CDK17: variants seen among roughly 807,000 people sequenced by gnomAD.
CDK17 encodes cyclin dependent kinase 17, also known as cyclin-dependent kinase 17.
CDK17 carries 24 observed loss-of-function variants against 77.6 expected under a neutral mutation model. The observed-to-expected ratio is 0.31, with a 90% CI of 0.22 to 0.44. The LOEUF (loss-of-function observed/expected upper bound fraction) is 0.44. CDK17 is among the 20% of genes least tolerant of loss of function. CDK17 has a pLI of 1.00. For synonymous variants in CDK17, 203 were observed against 210.4 expected, an observed-to-expected ratio of 0.96 and a Z score of 0.30; for missense variants, 429 against 622.5, an observed-to-expected ratio of 0.69 and a Z score of 3.31.
chr12:96,361,617 T>C (rs183753033), intron 1 of CDK17, among the ~76,000 whole-genome samples: 5 of 152,372 alleles, frequency 3.3e-5, no homozygotes, highest in South Asian at 4.1e-4. Flanking sequence ...TCATGACTTA[T>C]GAGGAAATTA....
intron 1 of CDK17, among the ~76,000 whole-genome samples, chr12:96,374,283 T>C (rs1953743609): frequency 6.6e-6 from 1 of 152,220 alleles, no homozygotes; most frequent in Admixed American, 6.5e-5. Flanking sequence ...GTGAAGAATG[T>C]CATGAACTGA....
At chr12:96,343,609 T>G (rs1193527132) in intron 1 of CDK17, among the ~76,000 whole-genome samples, 2 of 152,170 alleles carry the variant, frequency 1.3e-5, no homozygotes, top group African/African-American at 4.8e-5. Context: ...CATTGTCAGG[T>G]CACTGACTTA....
intron 1 of CDK17, among the ~76,000 whole-genome samples, chr12:96,338,980 C>T (rs1186537089): frequency 2.0e-5 from 3 of 151,804 alleles, no homozygotes; most frequent in East Asian, 2.0e-4. Flanking sequence ...CTTCCCCCAG[C>T]CCCTGGCAAC....
At chr12:96,295,180 C>A in intron 9 of CDK17, 58 bp from the exon 10 acceptor site, 1 of 1,366,574 alleles carries the variant, frequency 7.3e-7, no homozygotes. Flanking sequence ...TTAGTATAAG[C>A]ATAAATGATG....
At position 96,394,075 on chromosome 12, in the gene CDK17, A is replaced by C. The variant is rs1411568809; in HGVS notation, c.-30+5911T>G. Among the ~76,000 whole-genome samples the C allele has an allele frequency of 8.6e-5, 13 of 151,748 alleles. No homozygotes were observed. In the East Asian group the frequency reaches 2.5e-3, roughly 30 times the overall value. On this transcript the variant is annotated intron_variant, in intron 1 of 16. Transcript: ENST00000261211. ...AGCCTGGCCAACATGGTGAAACCCT[A>C]TCTCTACTAAAAATACAAAAATTAG...
intron 5 of CDK17, among the ~76,000 whole-genome samples, chr12:96,309,347 T>C (rs1952617886): frequency 6.6e-6 from 1 of 152,220 alleles, no homozygotes; most frequent in Admixed American, 6.5e-5. Context: ...GCTATCTCTG[T>C]AAGCTTGTGA....
rs11271532 is a variant in CDK17, at chr12:96,397,510, TGATACATTTTATAGAA to T, written c.-30+2460_-30+2475del. 5.4e-3 allele frequency among the ~76,000 whole-genome samples: 815 copies of T among 152,274 alleles called. 6 individuals carry two copies. The highest frequency in any genetic ancestry group is 0.019 in the African/African-American group (785 of 41,550). ...TCTGGCCTGAATCTAAGGATGAGAATGATACATTTTATAGAAGCTTCTTTTAGTACAGCAATAGGCA... is the reference window on the plus strand; with the variant it reads ...TCTGGCCTGAATCTAAGGATGAGAATGCTTCTTTTAGTACAGCAATAGGCA... On this transcript the variant is annotated intron_variant, in intron 1 of 16. Coordinates refer to ENST00000261211, the MANE Select transcript of CDK17 (RefSeq NM_002595.5).
chr12:96,295,332 A>G (rs2137078506), intron 9 of CDK17: 1 of 352,950 alleles, frequency 2.8e-6, no homozygotes, highest in Non-Finnish European at 5.1e-6. Flanking sequence ...GCATCTACCT[A>G]TTTCTTTTAG....
At chr12:96,338,763 C>CCA (rs1953082352) in intron 1 of CDK17, among the ~76,000 whole-genome samples, 1 of 136,852 alleles carries the variant, frequency 7.3e-6, no homozygotes, top group African/African-American at 2.8e-5. Context: ...TTGTCTGAAG[C>CCA]CACTAAGGTT....
At chr12:96,286,816 C>A (rs1029864797) in intron 11 of CDK17, 55 bp from the exon 12 acceptor site, 2 of 1,436,250 alleles carry the variant, frequency 1.4e-6, no homozygotes, top group African/African-American at 2.8e-5. Flanking sequence ...TTATGAAGCA[C>A]AAGAATCTTT....
At chr12:96,290,729 C>T (rs7487712) in intron 10 of CDK17, among the ~76,000 whole-genome samples, 130,025 of 152,146 alleles carry the variant, frequency 0.85, 55,617 homozygotes, top group African/African-American at 0.87. Context: ...AAGGACAGGG[C>T]TGCAAACGTG....
chr12:96,363,058 G>C (rs958921755), intron 1 of CDK17, among the ~76,000 whole-genome samples: 21 of 152,108 alleles, frequency 1.4e-4, no homozygotes, highest in African/African-American at 5.1e-4. Context: ...GATAATTACA[G>C]AAATGACTCA....
chr12:96,280,777 C>A, intron 16 of CDK17, 31 bp downstream of exon 16: 1 of 1,604,718 alleles, frequency 6.2e-7, no homozygotes, highest in South Asian at 1.1e-5. Flanking sequence ...AATTCATGAT[C>A]GACACGTGAA....
rs992619600 is a variant in CDK17 at position 96,280,288 on chromosome 12, TAA to T, written c.1535-11_1535-10del. On this transcript the variant is annotated splice_polypyrimidine_tract_variant and intron_variant, in intron 16 of 16. Transcript: ENST00000261211. ...TCTGTTCTTCCCATGTCCTAAAATA[TAA>T]AGTCATTTTATGAGGCAGTTCAAGG... 5.8e-6 allele frequency: 9 copies of T among 1,550,508 alleles called. No individual in the cohort carries two copies. The highest frequency in any genetic ancestry group is 7.9e-6 in the Non-Finnish European group (9 of 1,146,436).
chr12:96,328,811 C>CAT (rs767925126), intron 2 of CDK17, among the ~76,000 whole-genome samples: 37 of 152,116 alleles, frequency 2.4e-4, no homozygotes, highest in Non-Finnish European at 4.3e-4. Context: ...GAGTAGTCAA[C>CAT]ATATATATGG....
intron 1 of CDK17, among the ~76,000 whole-genome samples, chr12:96,356,267 A>C (rs180855720): frequency 1.1e-4 from 16 of 152,330 alleles, no homozygotes; most frequent in Admixed American, 1.0e-3. Flanking sequence ...ACTTTACATG[A>C]AAACTGTTTG....
At chr12:96,324,472 T>C (rs772308485) in intron 2 of CDK17, among the ~76,000 whole-genome samples, 9 of 152,132 alleles carry the variant, frequency 5.9e-5, no homozygotes, top group Admixed American at 5.2e-4. Context: ...GTGTGCCTTA[T>C]TTTAAGCATG....
intron 1 of CDK17, among the ~76,000 whole-genome samples, chr12:96,339,164 T>C (rs142280095): frequency 3.3e-5 from 5 of 152,334 alleles, no homozygotes; most frequent in African/African-American, 1.2e-4. Context: ...ATAGAAATGT[T>C]ATTACAGAAT....
chr12:96,338,486 T>G (rs1199232773), intron 1 of CDK17, among the ~76,000 whole-genome samples: 4 of 152,188 alleles, frequency 2.6e-5, no homozygotes, highest in African/African-American at 7.2e-5. Context: ...CAAAAAGTCC[T>G]AAGAGATGGT....
Sources: allele counts gnomAD v4.1 joint callset (sites outside exome capture counted in the v4.1 genomes callset), GRCh38; gene constraint gnomAD v4.1.1; transcripts MANE v1.5; gene names NCBI Gene and HGNC (gene_info 2026-07-23, HGNC 2026-07-21).